Variants in FLT4 observed in about 807,000 individuals in gnomAD.
FLT4 encodes the protein fms related receptor tyrosine kinase 4.
FLT4 carries 30 observed loss-of-function variants against 163.2 expected under a neutral mutation model. The observed-to-expected ratio is 0.18, with a 90% CI of 0.14 to 0.25. The LOEUF (loss-of-function observed/expected upper bound fraction) is 0.25. Ranked by LOEUF, FLT4 falls within the 10% of genes least tolerant of loss-of-function variation. FLT4 has a pLI of 1.00. For missense variants in FLT4, 1,510 were observed against 1,863.8 expected, an observed-to-expected ratio of 0.81 and a Z score of 3.50; for synonymous variants, 884 against 789.5, an observed-to-expected ratio of 1.12 and a Z score of -2.01.
At chr5:180,642,044 T>A (rs1459541160) in intron 1 of FLT4, among the ~76,000 whole-genome samples, 1 of 151,966 alleles carries the variant, frequency 6.6e-6, no homozygotes, top group Non-Finnish European at 1.5e-5. Flanking sequence ...CCATCTCTAC[T>A]AAAAATACAA....
intron 1 of FLT4, among the ~76,000 whole-genome samples, chr5:180,640,725 T>C (rs1003612063): frequency 3.5e-4 from 53 of 151,936 alleles, no homozygotes; most frequent in African/African-American, 1.2e-3. Context: ...GATGTGGGAG[T>C]CGGCCCCTCC....
Position 180,629,254 on chromosome 5 carries a change from C to T in FLT4, c.985+5G>A. The T allele has an allele frequency of 3.1e-6, 5 of 1,612,910 alleles. No individual in the cohort carries two copies. The South Asian group carries it at 4.4e-5, about 14-fold the overall frequency. On this transcript the variant is annotated splice_donor_5th_base_variant and intron_variant, in intron 7 of 29. Transcript: ENST00000261937. ...GCACAAGGACCCTGGTTTCCCAGGC[C>T]ATACCATGCACAATGACCTCGGTGC...
rs142990837 is a variant in FLT4, at chr5:180,620,986, T to G, written c.2189A>C (p.Asn730Thr). ...CACGCGCTGGATGCTCAGCTTCTGG[T>G]TGGAGTCCGCCAAGTCGACTCCTGC... ...EKSGVDLADS[N>T]QKLSIQRVRE... Residue 730 changes from asparagine (N) to threonine (T), a missense_variant, in exon 15 of 30, where the codon AAC becomes ACC. Asn to Thr is a moderately conservative substitution (Grantham distance 65). Transcript: ENST00000261937. The surrounding 1 kb of genome is among the most constrained non-coding windows in gnomAD (Gnocchi z 4.4). 6.2e-7 allele frequency: 1 copy of G among 1,611,498 alleles called. No homozygotes were observed. The highest frequency in any genetic ancestry group is 8.5e-7 in the Non-Finnish European group (1 of 1,179,104).
chr5:180,629,774 C>T lies in FLT4; in HGVS notation c.738G>A (p.Glu246=). Residue 246 remains glutamate, a synonymous_variant, in exon 6 of 30, where the codon GAG becomes GAA. Coordinates refer to ENST00000261937, the MANE Select transcript of FLT4 (RefSeq NM_182925.5). Reference sequence around the variant, plus strand: ...ACACGGTGCAGTTCAGGACCAGCTTCTCCCCTACCAGCAGCTCCAGCGACT... The same window carrying T: ...ACACGGTGCAGTTCAGGACCAGCTTTTCCCCTACCAGCAGCTCCAGCGACT... ...PRKSLELLVG[E]KLVLNCTVWA... is the part of the protein sequence containing the mutation. 3 of 1,612,452 alleles carry T rather than the reference C, an allele frequency of 1.9e-6. No individual in the cohort carries two copies. The highest frequency in any genetic ancestry group is 1.1e-5 in the South Asian group (1 of 90,938).
In FLT4 at chr5:180,602,915, G is replaced by T. The variant is rs1030521926; in HGVS notation, c.*277C>A. ...ATTCCCATGGAAGTGCTGGCCCCGGGACCAGCACCTGCGGATGCTGAACTA... is the reference window on the plus strand; with the variant it reads ...ATTCCCATGGAAGTGCTGGCCCCGGTACCAGCACCTGCGGATGCTGAACTA... On this transcript the variant is annotated 3_prime_UTR_variant, in exon 30 of 30. Coordinates refer to ENST00000261937, the MANE Select transcript of FLT4 (RefSeq NM_182925.5). The T allele has an allele frequency of 1.0e-5, 6 of 591,084 alleles. No individual in the cohort carries two copies. The highest frequency in any genetic ancestry group is 2.1e-5 in the South Asian group (1 of 48,338). The allele number at this position is 591,084 out of a possible 1,614,324, so 36.6% of individuals were successfully genotyped here.
intron 1 of FLT4, among the ~76,000 whole-genome samples, chr5:180,634,690 G>A (rs1348966281): frequency 2.6e-4 from 8 of 31,004 alleles, no homozygotes; most frequent in Admixed American, 2.2e-3. Context: ...GCAAGACTCC[G>A]TCTCAAAAAA....
intron 29 of FLT4, among the ~76,000 whole-genome samples, chr5:180,605,280 C>T (rs766887262): frequency 1.3e-5 from 2 of 152,162 alleles, no homozygotes; most frequent in Admixed American, 6.5e-5. Flanking sequence ...TCTTTTATTT[C>T]GATTTCTTTC....
chr5:180,623,805 G>A lies in FLT4; in HGVS notation c.1548+130C>T. The A allele has an allele frequency of 8.4e-7, 1 of 1,195,936 alleles. No individual in the cohort carries two copies. Among genetic ancestry groups the A allele is most frequent in the Non-Finnish European group, 1.2e-6 (1 of 811,714 alleles). The allele number at this position is 1,195,936 out of a possible 1,614,324, so 74.1% of individuals were successfully genotyped here. On this transcript the variant is annotated intron_variant, in intron 11 of 29. Coordinates refer to ENST00000261937, the MANE Select transcript of FLT4 (RefSeq NM_182925.5). The surrounding 1 kb of genome is among the most constrained non-coding windows in gnomAD (Gnocchi z 5.8). ...GGGTGGCCGAGGCCTACAGACTGCA[G>A]GAAGGTCACCCGCTCTCGGCTGCTC...
chr5:180,616,364 C>T lies in FLT4; in HGVS notation c.3219+3G>A. ...TTCCCTCTCCTCAATGGCCTGCACTCACACTGCCCTTGCGGACGTAGTCGG... is the reference window on the plus strand; with the variant it reads ...TTCCCTCTCCTCAATGGCCTGCACTTACACTGCCCTTGCGGACGTAGTCGG... On this transcript the variant is annotated splice_donor_region_variant and intron_variant, in intron 23 of 29. Coordinates refer to ENST00000261937, the MANE Select transcript of FLT4 (RefSeq NM_182925.5). 12 of 1,613,970 alleles carry T rather than the reference C, an allele frequency of 7.4e-6. No homozygotes were observed. Among genetic ancestry groups the T allele is most frequent in the Non-Finnish European group, 1.0e-5 (12 of 1,179,998 alleles).
At chr5:180,608,702 CAGAA>C (rs1169503239) in intron 29 of FLT4, among the ~76,000 whole-genome samples, 1 of 152,090 alleles carries the variant, frequency 6.6e-6, no homozygotes, top group Non-Finnish European at 1.5e-5. Context: ...CGTGTGGTGT[CAGAA>C]AGACACAGCA....
intron 29 of FLT4, among the ~76,000 whole-genome samples, chr5:180,603,687 G>A (rs1005219498): frequency 2.4e-4 from 36 of 152,124 alleles, no homozygotes; most frequent in African/African-American, 6.8e-4. Flanking sequence ...GGCGGATCAC[G>A]AGGTCAGGAG....
At position 180,616,436 on chromosome 5, in the gene FLT4, C is replaced by G; in HGVS notation, c.3150G>C (p.Val1050=). The change falls in exon 23 of 30, where the codon GTG becomes GTC. Residue 1050 remains valine (V), a synonymous_variant. Coordinates refer to ENST00000261937, the MANE Select transcript of FLT4 (RefSeq NM_182925.5). The part of the protein sequence containing the change: ...ARNILLSESD[V]VKICDFGLAR... ...CAAGGCCAAAGTCACAGATCTTCAC[C>G]ACGTCGCTTTCCGACAGCAGAATGT... The G allele has an allele frequency of 6.2e-7, 1 of 1,613,984 alleles. No homozygotes were observed. The highest frequency in any genetic ancestry group is 8.5e-7 in the Non-Finnish European group (1 of 1,180,002).
chr5:180,631,910 A>G (rs1764197228), intron 1 of FLT4, 132 bp from the exon 2 acceptor site: 1 of 621,288 alleles, frequency 1.6e-6, no homozygotes, highest in African/African-American at 2.0e-5. Flanking sequence ...CTCAGCCAGC[A>G]CCGCGTGGCC....
At chr5:180,606,915 A>AC (rs1561687752) in intron 29 of FLT4, among the ~76,000 whole-genome samples, 20 of 142,532 alleles carry the variant, frequency 1.4e-4, no homozygotes, top group South Asian at 2.3e-4. Flanking sequence ...AAAAAAAAAA[A>AC]CAAACAAACA....
intron 1 of FLT4, among the ~76,000 whole-genome samples, chr5:180,643,644 C>T (rs1765297262): frequency 6.6e-6 from 1 of 151,996 alleles, no homozygotes; most frequent in Non-Finnish European, 1.5e-5. Context: ...GGCCTCCTTG[C>T]CACCCACCCG....
At chr5:180,607,243 TG>T (rs1459130473) in intron 29 of FLT4, among the ~76,000 whole-genome samples, 1 of 152,216 alleles carries the variant, frequency 6.6e-6, no homozygotes, top group African/African-American at 2.4e-5. Flanking sequence ...CTGGGATATG[TG>T]GGTATTTCTC....
rs1439810764 is a variant in FLT4 at position 180,630,944 on chromosome 5, G to A, written c.156-145C>T. The A allele has an allele frequency of 3.0e-5, 31 of 1,031,406 alleles. No individual in the cohort carries two copies. The highest frequency in any genetic ancestry group is 3.4e-5 in the Non-Finnish European group (25 of 730,044). 63.9% of individuals were successfully genotyped at this position (1,031,406 alleles called of 1,614,324 possible). ...AGGGTTTGGGCGCACACTACAGACCGTGCCCAGGGCAGGGCACTCCCCGAC... is the reference window on the plus strand; with the variant it reads ...AGGGTTTGGGCGCACACTACAGACCATGCCCAGGGCAGGGCACTCCCCGAC... On this transcript the variant is annotated intron_variant, in intron 2 of 29. Transcript: ENST00000261937. The surrounding 1 kb of genome is among the most constrained non-coding windows in gnomAD (Gnocchi z 6.3).
intron 1 of FLT4, among the ~76,000 whole-genome samples, chr5:180,638,714 G>A (rs1322808310): frequency 6.6e-6 from 1 of 152,186 alleles, no homozygotes; most frequent in African/African-American, 2.4e-5. Flanking sequence ...CCCCCAGGCT[G>A]ACTTCTCACG....
intron 29 of FLT4, 88 bp downstream of exon 29, chr5:180,608,879 AG>A (rs1761958791): frequency 8.9e-7 from 1 of 1,128,726 alleles, no homozygotes; most frequent in Non-Finnish European, 1.4e-6. Flanking sequence ...TTCCGGGAAG[AG>A]GGCTGGGCAC....
Sources: gnomAD v4.1 joint callset for allele counts (sites outside exome capture counted in the v4.1 genomes callset) on GRCh38, gnomAD v4.1.1 for gene constraint, Gnocchi (gnomAD v3.1) non-coding constraint, MANE v1.5 for transcripts, NCBI Gene and HGNC (gene_info 2026-07-23, HGNC 2026-07-21) for gene names.